TRPC7: variants seen among roughly 807,000 people sequenced by gnomAD.
TRPC7 encodes the protein transient receptor potential cation channel subfamily C member 7.
Under a neutral mutation model 90.1 loss-of-function variants are expected in TRPC7, and 42 were observed. The observed-to-expected ratio is 0.47, with a 90% confidence interval of 0.36 to 0.60. TRPC7 has a LOEUF of 0.60. Among genes scored for constraint, TRPC7 ranks in the 20% least tolerant of loss-of-function variants. The pLI is 0.00. For synonymous variants in TRPC7, 451 were observed against 436.3 expected, an observed-to-expected ratio of 1.03 and a Z score of -0.42; for missense variants, 955 against 1,112.3, an observed-to-expected ratio of 0.86 and a Z score of 2.01.
Position 136,213,438 on chromosome 5 carries a change from A to G in TRPC7, c.2586T>C (p.Ile862=). The change falls in exon 12 of 12, where the codon ATT becomes ATC. Residue 862 remains isoleucine, a synonymous_variant. Transcript: ENST00000513104. The part of the protein sequence containing the change: ...DHLRVNKGKD[I] Reference sequence around the variant, plus strand: ...TCACAGACGCCGATGTGGGCTGCTAAATGTCTTTGCCCTTGTTCACCCTCA... The same window carrying G: ...TCACAGACGCCGATGTGGGCTGCTAGATGTCTTTGCCCTTGTTCACCCTCA... The G allele has an allele frequency of 6.2e-7, 1 of 1,613,830 alleles. No individual in the cohort carries two copies. Among genetic ancestry groups the G allele is most frequent in the East Asian group, 2.2e-5 (1 of 44,872 alleles).
At chr5:136,350,498 A>C (rs975389169) in intron 2 of TRPC7, among the ~76,000 whole-genome samples, 1 of 152,224 alleles carries the variant, frequency 6.6e-6, no homozygotes, top group Non-Finnish European at 1.5e-5. Context: ...TTGTGACCCA[A>C]TGAAAAGTTG....
At chr5:136,335,565 G>A (rs765374579) in intron 2 of TRPC7, among the ~76,000 whole-genome samples, 8 of 151,990 alleles carry the variant, frequency 5.3e-5, no homozygotes, top group Non-Finnish European at 1.2e-4. Flanking sequence ...ACTGGCAACA[G>A]TCCCATCTTC....
In TRPC7 at chr5:136,353,793, C is replaced by T. The variant is rs116648219; in HGVS notation, c.780+2815G>A. On this transcript the variant is annotated intron_variant, in intron 2 of 11. Transcript: ENST00000513104. ...GCAAACTCTTATTCCAAGTAAGTCA[C>T]TGAATTGTAGAAAGGATTTTTCATC... Among the ~76,000 whole-genome samples the T allele has an allele frequency of 3.1e-3, 471 of 152,304 alleles. 1 individual carries two copies. Among genetic ancestry groups the T allele is most frequent in the African/African-American group, 0.011 (450 of 41,570 alleles).
At chr5:136,341,641 A>G (rs1759851570) in intron 2 of TRPC7, among the ~76,000 whole-genome samples, 1 of 152,194 alleles carries the variant, frequency 6.6e-6, no homozygotes, top group Non-Finnish European at 1.5e-5. Context: ...GTGATTTTTC[A>G]TATCATATAT....
chr5:136,320,674 C>G (rs181483734), intron 2 of TRPC7, among the ~76,000 whole-genome samples: 1 of 152,282 alleles, frequency 6.6e-6, no homozygotes, highest in East Asian at 1.9e-4. Context: ...TACTGGGGGT[C>G]TCCCCCGGAT....
At chr5:136,234,655 G>T (rs1221319035) in intron 7 of TRPC7, among the ~76,000 whole-genome samples, 2 of 152,116 alleles carry the variant, frequency 1.3e-5, no homozygotes, top group East Asian at 3.9e-4. Context: ...TAAGGCCCTT[G>T]CTTTCTCTTT....
intron 1 of TRPC7, among the ~76,000 whole-genome samples, chr5:136,364,177 C>T (rs984744163): frequency 3.3e-5 from 5 of 152,182 alleles, no homozygotes; most frequent in Non-Finnish European, 5.9e-5. Context: ...TCCAAGATAC[C>T]GCATGCATTC....
chr5:136,247,747 C>A lies in TRPC7; in HGVS notation c.1580-12G>T. On this transcript the variant is annotated splice_polypyrimidine_tract_variant and intron_variant, in intron 6 of 11. Coordinates refer to ENST00000513104, the MANE Select transcript of TRPC7 (RefSeq NM_020389.3). The surrounding 1 kb of genome is among the most constrained non-coding windows in gnomAD (Gnocchi z 4.2). ...CCACTTGTCCCTGGCTAAAAGAAAA[C>A]AATCTGGGTTACTCACGAGGCCACA... 1 of 1,608,594 alleles carries A rather than the reference C, an allele frequency of 6.2e-7. No individual in the cohort carries two copies. The highest frequency in any genetic ancestry group is 8.5e-7 in the Non-Finnish European group (1 of 1,176,314).
At chr5:136,322,410 G>A (rs1261604194) in intron 2 of TRPC7, among the ~76,000 whole-genome samples, 3 of 152,166 alleles carry the variant, frequency 2.0e-5, no homozygotes, top group African/African-American at 7.2e-5. Flanking sequence ...GTAAATGCAT[G>A]TTTAACCTTG....
intron 2 of TRPC7, among the ~76,000 whole-genome samples, chr5:136,334,258 A>C (rs1759583853): frequency 6.6e-6 from 1 of 152,240 alleles, no homozygotes; most frequent in Non-Finnish European, 1.5e-5. Context: ...GACTCATTTA[A>C]AAGAGTAATT....
At chr5:136,272,493 G>T (rs1757239077) in intron 4 of TRPC7, among the ~76,000 whole-genome samples, 1 of 152,180 alleles carries the variant, frequency 6.6e-6, no homozygotes, top group African/African-American at 2.4e-5. Context: ...AAGTTCAACA[G>T]CTCTTTAATG....
At position 136,226,082 on chromosome 5, in the gene TRPC7, T is replaced by C. The variant is rs1755620888; in HGVS notation, c.2214A>G (p.Lys738=). ...CLIKLCKSKA[K]SCENDLEMGM... ...CCATTTCAAGGTCATTTTCACAGCT[T>C]TTGGCCTTAGATTTGCAGAGTTTTA... Residue 738 remains lysine (K), a synonymous_variant, in exon 9 of 12, where the codon AAA becomes AAG. Transcript: ENST00000513104. 1 of 1,605,224 alleles carries C rather than the reference T, an allele frequency of 6.2e-7. No individual in the cohort carries two copies. Among genetic ancestry groups the C allele is most frequent in the Admixed American group, 1.7e-5 (1 of 59,026 alleles).
In TRPC7 at chr5:136,295,197, G is replaced by C. The variant is rs532583065; in HGVS notation, c.964-20360C>G. On this transcript the variant is annotated intron_variant, in intron 3 of 11. Coordinates refer to ENST00000513104, the MANE Select transcript of TRPC7 (RefSeq NM_020389.3). ...AGATATACCTAATGCTAAATGACGA[G>C]TTAATGGGTGCAGCACACCAACTTG... is the stretch of plus-strand genomic sequence containing the variant. Among the ~76,000 whole-genome samples, 24 of 152,150 alleles carry C rather than the reference G, an allele frequency of 1.6e-4. No individual in the cohort carries two copies. The East Asian group carries it at 4.6e-3, about 29-fold the overall frequency.
In TRPC7 at chr5:136,299,120, G is replaced by T. The variant is rs1294543488; in HGVS notation, c.963+16477C>A. On this transcript the variant is annotated intron_variant, in intron 3 of 11. Coordinates refer to ENST00000513104, the MANE Select transcript of TRPC7 (RefSeq NM_020389.3). ...AGTTCGAGACCAGCCTCACCAACGT[G>T]GAGAAACCCCGTCTCTACTAAAAAT... 2.0e-5 allele frequency among the ~76,000 whole-genome samples: 3 copies of T among 151,982 alleles called. No individual in the cohort carries two copies. In the East Asian group the frequency reaches 5.8e-4, roughly 29 times the overall value.
chr5:136,311,062 A>G (rs1758810976), intron 3 of TRPC7, among the ~76,000 whole-genome samples: 1 of 152,118 alleles, frequency 6.6e-6, no homozygotes, highest in Non-Finnish European at 1.5e-5. Context: ...AGTAGTGTCC[A>G]AAAGATGCTC....
At chr5:136,359,206 G>A (rs1013807588) in intron 1 of TRPC7, among the ~76,000 whole-genome samples, 6 of 152,132 alleles carry the variant, frequency 3.9e-5, no homozygotes, top group African/African-American at 1.4e-4. Context: ...CTTGGGGGCC[G>A]TATGTCTGGT....
At position 136,266,685 on chromosome 5, in the gene TRPC7, C is replaced by T. The variant is rs532404952; in HGVS notation, c.1129-249G>A. 1.1e-4 allele frequency among the ~76,000 whole-genome samples: 17 copies of T among 152,262 alleles called. No homozygotes were observed. The South Asian group carries it at 3.5e-3, about 32-fold the overall frequency. ...GCTAAGAGAAATTGATAGAACACACCTGACATAATCATCATGCTACATCTG... is the reference window on the plus strand; with the variant it reads ...GCTAAGAGAAATTGATAGAACACACTTGACATAATCATCATGCTACATCTG... On this transcript the variant is annotated intron_variant, in intron 4 of 11. Transcript: ENST00000513104.
chr5:136,263,357 CT>C (rs1756919295), intron 5 of TRPC7, among the ~76,000 whole-genome samples: 1 of 152,212 alleles, frequency 6.6e-6, no homozygotes, highest in East Asian at 1.9e-4. Flanking sequence ...ATGCCAAAAA[CT>C]TTGAAGGAAG....
chr5:136,291,690 A>G (rs904290021), intron 3 of TRPC7, among the ~76,000 whole-genome samples: 1 of 152,154 alleles, frequency 6.6e-6, no homozygotes, highest in Admixed American at 6.5e-5. Context: ...CACAATAACA[A>G]TGGGAGACTT....
Sources: gnomAD v4.1 joint callset for allele counts (sites outside exome capture counted in the v4.1 genomes callset) on GRCh38, gnomAD v4.1.1 for gene constraint, Gnocchi (gnomAD v3.1) non-coding constraint, MANE v1.5 for transcripts, NCBI Gene and HGNC (gene_info 2026-07-23, HGNC 2026-07-21) for gene names.